Variants in NTRK3 observed in about 807,000 individuals in gnomAD.
NTRK3 encodes the protein neurotrophic receptor tyrosine kinase 3, also known as NT-3 growth factor receptor.
NTRK3 carries 24 observed loss-of-function variants against 91.7 expected under a neutral mutation model. The ratio of observed to expected loss-of-function variants is 0.26; its 90% CI spans 0.19 to 0.37. NTRK3 has a LOEUF of 0.37. NTRK3 is among the 10% of genes least tolerant of loss of function. The pLI, the probability that NTRK3 is intolerant of heterozygous loss-of-function variation, is 1.00. For missense variants in NTRK3, 880 were observed against 1,068.9 expected, an observed-to-expected ratio of 0.82 and a Z score of 2.46; for synonymous variants, 483 against 404.0, an observed-to-expected ratio of 1.20 and a Z score of -2.34.
intron 13 of NTRK3, among the ~76,000 whole-genome samples, chr15:88,099,850 A>T (rs772501915): frequency 1.3e-5 from 2 of 152,212 alleles, no homozygotes; most frequent in African/African-American, 2.4e-5. Context: ...TCACATAGTT[A>T]GAGATAACCG....
At chr15:88,121,054 T>A (rs1171899443) in intron 13 of NTRK3, among the ~76,000 whole-genome samples, 1 of 152,158 alleles carries the variant, frequency 6.6e-6, no homozygotes, top group Non-Finnish European at 1.5e-5. Context: ...TAAAGATACT[T>A]ATGAGGTGGT....
In NTRK3 at chr15:88,153,685, G is replaced by A. The variant is rs148484269; in HGVS notation, c.396-6282C>T. On this transcript the variant is annotated intron_variant, in intron 5 of 18. Transcript: ENST00000394480. Reference sequence around the variant, plus strand: ...TTTATTTCTTAGTTCTAGAGGTTAAGAGGTCCAAGATCAATGGGGCAGCAG... The same window carrying A: ...TTTATTTCTTAGTTCTAGAGGTTAAAAGGTCCAAGATCAATGGGGCAGCAG... 1.3e-3 allele frequency among the ~76,000 whole-genome samples: 197 copies of A among 152,186 alleles called. 5 individuals carry two copies. In the East Asian group the frequency reaches 0.036, roughly 28 times the overall value.
chr15:87,988,636 T>C (rs2075041738), intron 14 of NTRK3, among the ~76,000 whole-genome samples: 1 of 152,220 alleles, frequency 6.6e-6, no homozygotes, highest in Non-Finnish European at 1.5e-5. Context: ...GAATTTATAA[T>C]TTAATGGTGT....
intron 17 of NTRK3, among the ~76,000 whole-genome samples, chr15:87,899,693 C>T (rs2066336205): frequency 6.6e-6 from 1 of 152,168 alleles, no homozygotes; most frequent in Non-Finnish European, 1.5e-5. Flanking sequence ...GTAAACAATA[C>T]ATAGCACAGC....
intron 3 of NTRK3, among the ~76,000 whole-genome samples, chr15:88,245,448 C>A (rs1375291756): frequency 1.3e-5 from 2 of 152,124 alleles, no homozygotes; most frequent in African/African-American, 4.8e-5. Context: ...GTTTTTTGAC[C>A]AAAGAAGCCT....
intron 13 of NTRK3, among the ~76,000 whole-genome samples, chr15:88,041,873 A>C (rs1237864361): frequency 6.6e-6 from 1 of 151,328 alleles, no homozygotes; most frequent in Admixed American, 6.6e-5. Flanking sequence ...CAATGATATA[A>C]TCCATTTTTA....
At chr15:88,074,484 G>A (rs566725740) in intron 13 of NTRK3, among the ~76,000 whole-genome samples, 1 of 152,322 alleles carries the variant, frequency 6.6e-6, no homozygotes, top group East Asian at 1.9e-4. Context: ...TAGACCACTG[G>A]TGAGTCCCTG....
intron 13 of NTRK3, among the ~76,000 whole-genome samples, chr15:88,055,067 AG>A (rs1350794265): frequency 1.3e-5 from 2 of 152,140 alleles, no homozygotes; most frequent in Non-Finnish European, 2.9e-5. Context: ...GGCAGAGGGA[AG>A]GGGGAGGTGT....
chr15:87,874,934 A>T lies in NTRK3; in HGVS notation c.*2001T>A, dbSNP rs1321197695. ...GTGAGAAAACCAACACCAAATTCCC[A>T]TCTCACCTGCCTCCCCTCCCAGTCC... On this transcript the variant is annotated 3_prime_UTR_variant, in exon 19 of 19. Coordinates refer to ENST00000394480, the Ensembl canonical transcript of NTRK3. 9 of 232,674 alleles carry T rather than the reference A, an allele frequency of 3.9e-5. No homozygotes were observed. In the Admixed American group the frequency reaches 5.1e-4, roughly 13 times the overall value. The allele number at this position is 232,674 out of a possible 1,614,324, so 14.4% of individuals were successfully genotyped here. A position where few individuals can be genotyped will look rare whatever the true frequency, so the allele number is the denominator to read the frequency against.
intron 13 of NTRK3, among the ~76,000 whole-genome samples, chr15:88,117,313 A>G (rs2151027320): frequency 6.6e-6 from 1 of 152,272 alleles, no homozygotes; most frequent in African/African-American, 2.4e-5. Context: ...TCTATATTTG[A>G]AGATATATTA....
intron 3 of NTRK3, among the ~76,000 whole-genome samples, chr15:88,229,405 A>T (rs7172664): frequency 0.82 from 124,517 of 152,102 alleles, 51,826 homozygotes; most frequent in East Asian, 0.99. Flanking sequence ...TACATCCCAA[A>T]GCTTGTTGAG....
intron 13 of NTRK3, among the ~76,000 whole-genome samples, chr15:88,064,092 GAGA>G (rs1345661037): frequency 6.6e-6 from 1 of 152,186 alleles, no homozygotes; most frequent in Admixed American, 6.5e-5. Flanking sequence ...CAGAGACACA[GAGA>G]AGAAGGTCAG....
intron 16 of NTRK3, 24 bp from the exon 17 acceptor site, chr15:87,929,458 A>C: frequency 6.2e-7 from 1 of 1,612,504 alleles, no homozygotes; most frequent in Non-Finnish European, 8.5e-7. Flanking sequence ...GGGAGAAGAG[A>C]GGGGGCAGAG....
At chr15:88,202,203 A>C (rs898913057) in intron 3 of NTRK3, among the ~76,000 whole-genome samples, 11 of 152,098 alleles carry the variant, frequency 7.2e-5, no homozygotes, top group African/African-American at 2.7e-4. Flanking sequence ...TAGCTAATCC[A>C]ATCCTAAGCG....
intron 5 of NTRK3, among the ~76,000 whole-genome samples, chr15:88,152,564 A>C (rs2043485676): frequency 6.6e-6 from 1 of 152,222 alleles, no homozygotes. Flanking sequence ...TGACACTTTG[A>C]TCTTAGGCTT....
At chr15:87,942,234 C>A (rs954113916) in intron 14 of NTRK3, among the ~76,000 whole-genome samples, 10 of 152,256 alleles carry the variant, frequency 6.6e-5, no homozygotes, top group African/African-American at 2.4e-4. Flanking sequence ...CCCCCTAGGA[C>A]AGACCTGCAC....
At chr15:88,184,400 G>T in intron 3 of NTRK3, 101 bp from the exon 4 acceptor site, 2 of 1,128,706 alleles carry the variant, frequency 1.8e-6, no homozygotes, top group South Asian at 1.3e-5. Context: ...TGAGCTAATT[G>T]ATTGCCAGGC....
At chr15:88,223,080 C>A (rs561355652) in intron 3 of NTRK3, among the ~76,000 whole-genome samples, 358 of 152,300 alleles carry the variant, frequency 2.4e-3, no homozygotes, top group Non-Finnish European at 3.9e-3. Flanking sequence ...GTGCTTGCCT[C>A]CCTGCTCCCT....
chr15:88,176,469 T>C (rs1408314713), intron 5 of NTRK3, among the ~76,000 whole-genome samples: 8 of 152,156 alleles, frequency 5.3e-5, no homozygotes, highest in Non-Finnish European at 1.0e-4. Flanking sequence ...GCTGCAATAG[T>C]TTCTACCATA....
Sources: allele counts gnomAD v4.1 joint callset (sites outside exome capture counted in the v4.1 genomes callset), GRCh38; gene constraint gnomAD v4.1.1; transcripts MANE v1.5; gene names NCBI Gene and HGNC (gene_info 2026-07-23, HGNC 2026-07-21).